Variants in BNIP3L observed in about 807,000 individuals in gnomAD.
BNIP3L encodes the protein BCL2 interacting protein 3 like, also known as BCL2/adenovirus E1B 19 kDa protein-interacting protein 3-like.
Under a neutral mutation model 25.5 loss-of-function variants are expected in BNIP3L, and 10 were observed. The observed-to-expected ratio is 0.39, with a 90% CI of 0.24 to 0.67. The LOEUF is 0.67. Among genes scored for constraint, BNIP3L ranks in the 30% least tolerant of loss-of-function variants. The probability of loss-of-function intolerance (pLI) is 0.45; values close to 1 mark genes in which losing one functional copy is unlikely to be tolerated. For synonymous variants in BNIP3L, 113 were observed against 101.2 expected, an observed-to-expected ratio of 1.12 and a Z score of -0.70; for missense variants, 215 against 270.9, an observed-to-expected ratio of 0.79 and a Z score of 1.45.
At chr8:26,406,433 T>C (rs1806501203) in intron 3 of BNIP3L, among the ~76,000 whole-genome samples, 1 of 152,204 alleles carries the variant, frequency 6.6e-6, no homozygotes, top group Admixed American at 6.5e-5. Context: ...TGTGGAACCT[T>C]AGGCAAGTTA....
intron 3 of BNIP3L, among the ~76,000 whole-genome samples, chr8:26,402,988 C>G (rs959412587): frequency 6.6e-6 from 1 of 152,086 alleles, no homozygotes; most frequent in Non-Finnish European, 1.5e-5. Flanking sequence ...AATGCATCTA[C>G]CCTGGAATTC....
intron 1 of BNIP3L, among the ~76,000 whole-genome samples, chr8:26,387,119 C>CTCT (rs901235162): frequency 6.6e-6 from 1 of 152,160 alleles, no homozygotes; most frequent in Non-Finnish European, 1.5e-5. Context: ...CAAAGCTCCT[C>CTCT]TCTTCTTCTT....
intron 3 of BNIP3L, among the ~76,000 whole-genome samples, chr8:26,407,547 C>G (rs914088555): frequency 6.6e-6 from 1 of 151,860 alleles, no homozygotes; most frequent in Non-Finnish European, 1.5e-5. Flanking sequence ...AGGCTGGTCT[C>G]CAGCTTCTGA....
chr8:26,396,218 G>A (rs1489255326), intron 3 of BNIP3L, among the ~76,000 whole-genome samples: 3 of 119,314 alleles, frequency 2.5e-5, no homozygotes, highest in Admixed American at 8.7e-5. Flanking sequence ...AGACTTAAAT[G>A]TCCCTGTCTG....
At chr8:26,404,167 TCA>T (rs1163131245) in intron 3 of BNIP3L, among the ~76,000 whole-genome samples, 1 of 152,228 alleles carries the variant, frequency 6.6e-6, no homozygotes, top group African/African-American at 2.4e-5. Flanking sequence ...CTCAAGAGTC[TCA>T]GTTTTGTATC....
At chr8:26,404,015 ATG>A (rs755445292) in intron 3 of BNIP3L, among the ~76,000 whole-genome samples, 21 of 152,322 alleles carry the variant, frequency 1.4e-4, no homozygotes, top group Non-Finnish European at 2.8e-4. Context: ...AACTAAGTAA[ATG>A]AATTCGATTG....
chr8:26,388,250 T>C (rs1464555610), intron 1 of BNIP3L, among the ~76,000 whole-genome samples: 1 of 152,212 alleles, frequency 6.6e-6, no homozygotes, highest in Non-Finnish European at 1.5e-5. Flanking sequence ...AGAATATAAT[T>C]GTAGTAGCTA....
At chr8:26,383,750 G>A (rs1173416763) in intron 1 of BNIP3L, among the ~76,000 whole-genome samples, 1 of 152,006 alleles carries the variant, frequency 6.6e-6, no homozygotes, top group Non-Finnish European at 1.5e-5. Context: ...CCCCCAGCGA[G>A]CATTCCTTTG....
intron 1 of BNIP3L, among the ~76,000 whole-genome samples, chr8:26,384,239 T>C (rs1019818983): frequency 2.0e-5 from 3 of 152,212 alleles, no homozygotes; most frequent in Non-Finnish European, 4.4e-5. Context: ...TGAAGTCTTT[T>C]CAAAACCACT....
At chr8:26,409,214 A>G (rs1806568382) in intron 5 of BNIP3L, among the ~76,000 whole-genome samples, 2 of 152,174 alleles carry the variant, frequency 1.3e-5, no homozygotes. Context: ...TCTTAGCCAC[A>G]TCTTTTAAAT....
intron 3 of BNIP3L, among the ~76,000 whole-genome samples, chr8:26,404,070 T>C (rs1406413385): frequency 6.6e-6 from 1 of 152,126 alleles, no homozygotes; most frequent in Non-Finnish European, 1.5e-5. Flanking sequence ...AACTGAAAAA[T>C]GTCTGCTGAG....
chr8:26,399,795 G>A (rs1171564141), intron 3 of BNIP3L, among the ~76,000 whole-genome samples: 1 of 70,398 alleles, frequency 1.4e-5, no homozygotes, highest in Non-Finnish European at 3.0e-5. Flanking sequence ...GCCAAATCAT[G>A]AGTGAACTCC....
At chr8:26,393,247 A>G (rs1053472870) in intron 2 of BNIP3L, among the ~76,000 whole-genome samples, 3 of 151,592 alleles carry the variant, frequency 2.0e-5, no homozygotes, top group African/African-American at 7.3e-5. Context: ...GTTGTTGGGT[A>G]TCAGTCCTAG....
At chr8:26,409,458 A>G (rs1226210044) in intron 5 of BNIP3L, among the ~76,000 whole-genome samples, 4 of 152,196 alleles carry the variant, frequency 2.6e-5, no homozygotes, top group African/African-American at 9.7e-5. Context: ...ACTTGCATAC[A>G]GCTTTCCACA....
chr8:26,391,251 G>A lies in BNIP3L; in HGVS notation c.109G>A (p.Val37Met), dbSNP rs1255552096. 3 of 1,602,592 alleles carry A rather than the reference G, an allele frequency of 1.9e-6. No homozygotes were observed. ...PPPAGLNSSW[V>M]ELPMNSSNGN... ...TCTGACTTGTCCAACAGGTTCCTGG[G>A]TGGAGCTACCCATGAACAGCAGCAA... Residue 37 changes from valine to methionine, a missense_variant, in exon 2 of 6, where the codon GTG (valine) becomes ATG (methionine). Around this residue, in one of 4 missense-constraint regions of BNIP3L, gnomAD observed 69 missense variants for 53.6 expected, o/e 1.29. Coordinates refer to ENST00000380629, the MANE Select transcript of BNIP3L (RefSeq NM_004331.3).
rs762428839 is a variant in BNIP3L at position 26,383,119 on chromosome 8, A to G, written c.-12A>G. 33 of 1,601,998 alleles carry G rather than the reference A, an allele frequency of 2.1e-5. No individual in the cohort carries two copies. Among genetic ancestry groups the G allele is most frequent in the Admixed American group, 3.4e-5 (2 of 58,486 alleles). On this transcript the variant is annotated 5_prime_UTR_variant, in exon 1 of 6. Transcript: ENST00000380629. ...GTCCTGCTGCTGCCGCAGTCCTGCCAGCTGTCCGACAATGTCGTCCCACCT... is the reference window on the plus strand; with the variant it reads ...GTCCTGCTGCTGCCGCAGTCCTGCCGGCTGTCCGACAATGTCGTCCCACCT...
intron 3 of BNIP3L, among the ~76,000 whole-genome samples, chr8:26,407,435 C>G (rs1806526250): frequency 6.6e-6 from 1 of 152,008 alleles, no homozygotes; most frequent in Non-Finnish European, 1.5e-5. Flanking sequence ...ATCCGCTCAC[C>G]TCGGCCTCCC....
chr8:26,409,623 G>C (rs1185800777), intron 5 of BNIP3L, among the ~76,000 whole-genome samples: 1 of 152,148 alleles, frequency 6.6e-6, no homozygotes, highest in Non-Finnish European at 1.5e-5. Flanking sequence ...TTAATACATT[G>C]CTGCCTATAC....
At chr8:26,406,234 G>A (rs189211684) in intron 3 of BNIP3L, among the ~76,000 whole-genome samples, 2 of 152,098 alleles carry the variant, frequency 1.3e-5, no homozygotes, top group African/African-American at 2.4e-5. Context: ...GTTAAATTCT[G>A]ACTCAACTTA....
Sources: allele counts gnomAD v4.1 joint callset (sites outside exome capture counted in the v4.1 genomes callset), GRCh38; gene constraint gnomAD v4.1.1; regional missense constraint gnomAD v4.1.1; transcripts MANE v1.5; gene names NCBI Gene and HGNC (gene_info 2026-07-23, HGNC 2026-07-21).